CNTN4: variants seen among roughly 807,000 people sequenced by gnomAD.
CNTN4 encodes the protein contactin 4.
A neutral mutation model predicts 122.5 loss-of-function variants in CNTN4; 77 were observed. The observed-to-expected ratio is 0.63, with a 90% CI of 0.52 to 0.76. CNTN4 has a LOEUF of 0.76. CNTN4 is among the 30% of genes least tolerant of loss of function. The probability of loss-of-function intolerance (pLI) is 0.00; values close to 1 mark genes in which losing one functional copy is unlikely to be tolerated. For synonymous variants in CNTN4, 512 were observed against 447.0 expected, an observed-to-expected ratio of 1.15 and a Z score of -1.83; for missense variants, 1,256 against 1,259.1, an observed-to-expected ratio of 1.00 and a Z score of 0.04.
At chr3:2,289,612 C>G (rs1173668052) in intron 2 of CNTN4, among the ~76,000 whole-genome samples, 1 of 152,138 alleles carries the variant, frequency 6.6e-6, no homozygotes, top group Non-Finnish European at 1.5e-5. Context: ...GATGGTCTTC[C>G]TGTCCCTTCA....
chr3:2,177,513 T>C (rs1249828288), intron 2 of CNTN4, among the ~76,000 whole-genome samples: 1 of 152,122 alleles, frequency 6.6e-6, no homozygotes, highest in Non-Finnish European at 1.5e-5. Flanking sequence ...AGCAGGCTAT[T>C]CAGCATGCCT....
intron 3 of CNTN4, among the ~76,000 whole-genome samples, chr3:2,380,269 G>A (rs185342482): frequency 6.2e-4 from 95 of 152,180 alleles, no homozygotes; most frequent in Admixed American, 2.5e-3. Context: ...TATTGGCAGC[G>A]TATCTCAGCC....
chr3:2,510,654 C>T (rs139580717), intron 3 of CNTN4, among the ~76,000 whole-genome samples: 392 of 152,132 alleles, frequency 2.6e-3, no homozygotes, highest in African/African-American at 9.0e-3. Flanking sequence ...AAATGTCTTC[C>T]GGGGCCAGCA....
rs367740557 is a variant in CNTN4, at chr3:2,448,574, C to G, written c.-89+109341C>G. Reference sequence around the variant, plus strand: ...GGTTGGTCGAGGGCATGAAGTAGTACTCTGCCAAGGCTTTTTTATTAACAG... The same window carrying G: ...GGTTGGTCGAGGGCATGAAGTAGTAGTCTGCCAAGGCTTTTTTATTAACAG... On this transcript the variant is annotated intron_variant, in intron 3 of 24. Coordinates refer to ENST00000418658, the MANE Select transcript of CNTN4 (RefSeq NM_175607.3). Among the ~76,000 whole-genome samples, 14 of 152,288 alleles carry G rather than the reference C, an allele frequency of 9.2e-5. No homozygotes were observed. The South Asian group carries it at 2.9e-3, about 32-fold the overall frequency.
chr3:2,561,591 T>C (rs1264095508), intron 3 of CNTN4, among the ~76,000 whole-genome samples: 3 of 152,056 alleles, frequency 2.0e-5, no homozygotes, highest in Non-Finnish European at 4.4e-5. Flanking sequence ...TTCCAGCAAG[T>C]TTGCCGACTC....
chr3:3,010,465 TAAA>T lies in CNTN4; in HGVS notation c.1487-15621_1487-15619del, dbSNP rs5846237. Among the ~76,000 whole-genome samples the T allele has an allele frequency of 1.3e-3, 195 of 147,200 alleles. 2 individuals are homozygous for T. The East Asian group carries it at 0.019, about 14-fold the overall frequency. ...CTCTGTCTTTATAGGCTTATGCCATTAAAAAAAAAAAAAAAAAATCCTTGTACT... is the reference window on the plus strand; with the variant it reads ...CTCTGTCTTTATAGGCTTATGCCATTAAAAAAAAAAAAAAATCCTTGTACT... On this transcript the variant is annotated intron_variant, in intron 14 of 24. Coordinates refer to ENST00000418658, the MANE Select transcript of CNTN4 (RefSeq NM_175607.3).
chr3:2,747,992 G>C (rs766377859), intron 6 of CNTN4, among the ~76,000 whole-genome samples: 3 of 152,112 alleles, frequency 2.0e-5, no homozygotes, highest in Non-Finnish European at 4.4e-5. Context: ...CATGTCCCTT[G>C]TCCCATAATT....
chr3:2,247,990 A>G (rs2040220364), intron 2 of CNTN4, among the ~76,000 whole-genome samples: 1 of 151,934 alleles, frequency 6.6e-6, no homozygotes, highest in Admixed American at 6.6e-5. Flanking sequence ...CCCTCTCTGC[A>G]GTCTCTCATT....
intron 2 of CNTN4, among the ~76,000 whole-genome samples, chr3:2,295,301 A>G (rs940251265): frequency 7.1e-6 from 1 of 141,738 alleles, no homozygotes; most frequent in Non-Finnish European, 1.5e-5. Context: ...CCAACAGTGT[A>G]AAAGTGTTCC....
chr3:2,666,104 C>A (rs2084145163), intron 4 of CNTN4, among the ~76,000 whole-genome samples: 1 of 152,200 alleles, frequency 6.6e-6, no homozygotes, highest in Admixed American at 6.5e-5. Flanking sequence ...GTATCACACC[C>A]AAGCTAGCAA....
intron 4 of CNTN4, among the ~76,000 whole-genome samples, chr3:2,575,281 G>T (rs767394306): frequency 6.6e-6 from 1 of 152,116 alleles, no homozygotes; most frequent in African/African-American, 2.4e-5. Flanking sequence ...GGGAGGCAAA[G>T]CGGGCGGACC....
intron 2 of CNTN4, among the ~76,000 whole-genome samples, chr3:2,175,133 A>G (rs1249640391): frequency 6.6e-6 from 1 of 151,106 alleles, no homozygotes; most frequent in Non-Finnish European, 1.5e-5. Flanking sequence ...ACATTTATTT[A>G]ATCTATAAAA....
At chr3:2,260,720 T>TTTTA (rs887555731) in intron 2 of CNTN4, among the ~76,000 whole-genome samples, 2 of 121,076 alleles carry the variant, frequency 1.7e-5, no homozygotes, top group Admixed American at 8.9e-5. Flanking sequence ...TTTCTTTTTA[T>TTTTA]TTTATTTATT....
chr3:2,538,397 A>T (rs2077895290), intron 3 of CNTN4, among the ~76,000 whole-genome samples: 3 of 152,036 alleles, frequency 2.0e-5, no homozygotes, highest in Admixed American at 2.0e-4. Flanking sequence ...TTTCCCCAAC[A>T]TTTCATAAAC....
At chr3:2,697,986 C>A (rs1023467315) in intron 4 of CNTN4, among the ~76,000 whole-genome samples, 1 of 152,174 alleles carries the variant, frequency 6.6e-6, no homozygotes, top group Non-Finnish European at 1.5e-5. Context: ...CCAAAAAACA[C>A]CTTGTAACAT....
chr3:2,478,991 TGA>T (rs2075909871), intron 3 of CNTN4, among the ~76,000 whole-genome samples: 1 of 152,160 alleles, frequency 6.6e-6, no homozygotes, highest in South Asian at 2.1e-4. Flanking sequence ...TTCACACCAA[TGA>T]GAGAAGCTTA....
intron 3 of CNTN4, among the ~76,000 whole-genome samples, chr3:2,436,339 G>A (rs1014424291): frequency 6.6e-6 from 1 of 152,058 alleles, no homozygotes; most frequent in African/African-American, 2.4e-5. Context: ...TCTCTCACAA[G>A]CATAAGTAAA....
In CNTN4 at chr3:2,849,949, T is replaced by C. The variant is rs143681292; in HGVS notation, c.455-16803T>C. ...GAGAAGCCGTATGTGTGGAATCTTATATGAAATGTTTCCATTTTGGAAAAT... is the reference window on the plus strand; with the variant it reads ...GAGAAGCCGTATGTGTGGAATCTTACATGAAATGTTTCCATTTTGGAAAAT... On this transcript the variant is annotated intron_variant, in intron 7 of 24. Transcript: ENST00000418658. Among the ~76,000 whole-genome samples the C allele has an allele frequency of 3.2e-3, 493 of 152,234 alleles. 3 individuals are homozygous for C. Among genetic ancestry groups the C allele is most frequent in the African/African-American group, 0.011 (466 of 41,532 alleles).
intron 14 of CNTN4, among the ~76,000 whole-genome samples, chr3:3,014,392 A>G (rs1436825866): frequency 6.6e-6 from 1 of 152,186 alleles, no homozygotes; most frequent in Non-Finnish European, 1.5e-5. Flanking sequence ...CTTAAATTTC[A>G]GGCACCCTTT....
Sources: allele counts gnomAD v4.1 joint callset (sites outside exome capture counted in the v4.1 genomes callset), GRCh38; gene constraint gnomAD v4.1.1; transcripts MANE v1.5; gene names NCBI Gene and HGNC (gene_info 2026-07-23, HGNC 2026-07-21).